The following MSI2 variants were observed in gnomAD, a reference collection of about 807,000 sequenced individuals.
MSI2 encodes musashi RNA binding protein 2.
A neutral mutation model predicts 45.6 loss-of-function variants in MSI2; 17 were observed. The ratio of observed to expected loss-of-function variants is 0.37; its 90% CI spans 0.26 to 0.56. MSI2 has a LOEUF of 0.56. MSI2 is among the 20% of genes least tolerant of loss of function. The probability of loss-of-function intolerance (pLI) is 0.77; values close to 1 mark genes in which losing one functional copy is unlikely to be tolerated. For missense variants in MSI2, 293 were observed against 444.2 expected (o/e 0.66, Z 3.06); for synonymous variants, 156 against 158.2 (o/e 0.99, Z 0.11).
intron 7 of MSI2, among the ~76,000 whole-genome samples, chr17:57,536,459 A>T (rs72833078): frequency 0.098 from 14,985 of 152,242 alleles, 912 homozygotes; most frequent in Non-Finnish European, 0.15. Flanking sequence ...GCAGCCTGCA[A>T]AAGATTGGCT....
chr17:57,388,245 C>T (rs2083719282), intron 5 of MSI2, among the ~76,000 whole-genome samples: 1 of 152,234 alleles, frequency 6.6e-6, no homozygotes, highest in African/African-American at 2.4e-5. Context: ...TGGGTTTCCC[C>T]CTTTTCCCTC....
intron 5 of MSI2, among the ~76,000 whole-genome samples, chr17:57,288,010 C>G (rs549557220): frequency 1.1e-4 from 16 of 152,150 alleles, no homozygotes; most frequent in Admixed American, 4.6e-4. Flanking sequence ...CTCCTTTATT[C>G]CTCCATCCCT....
intron 6 of MSI2, among the ~76,000 whole-genome samples, chr17:57,491,615 G>A (rs182327981): frequency 1.3e-5 from 2 of 152,326 alleles, no homozygotes; most frequent in African/African-American, 4.8e-5. Context: ...AGATGGGGGT[G>A]GACTTGGGCC....
At chr17:57,450,785 T>C (rs1041615671) in intron 6 of MSI2, among the ~76,000 whole-genome samples, 10 of 151,698 alleles carry the variant, frequency 6.6e-5, no homozygotes, top group Admixed American at 6.6e-4. Context: ...TTTTCATATG[T>C]ATAACAGAGC....
chr17:57,446,347 G>A (rs984282372), intron 6 of MSI2, among the ~76,000 whole-genome samples: 2 of 152,134 alleles, frequency 1.3e-5, no homozygotes, highest in African/African-American at 4.8e-5. Flanking sequence ...TGAGGTTAGC[G>A]AGGTGGCAGG....
chr17:57,451,903 A>G (rs1334034131), intron 6 of MSI2, among the ~76,000 whole-genome samples: 1 of 152,216 alleles, frequency 6.6e-6, no homozygotes, highest in Non-Finnish European at 1.5e-5. Context: ...CACCCTCATC[A>G]GCTGGCTAGC....
At chr17:57,548,363 G>C (rs751651410) in intron 7 of MSI2, among the ~76,000 whole-genome samples, 1 of 152,122 alleles carries the variant, frequency 6.6e-6, no homozygotes, top group Non-Finnish European at 1.5e-5. Context: ...TGTTATTGGG[G>C]TGGGAGTGGG....
intron 5 of MSI2, among the ~76,000 whole-genome samples, chr17:57,384,874 A>G (rs1032668849): frequency 5.9e-5 from 9 of 152,170 alleles, no homozygotes; most frequent in South Asian, 4.1e-4. Flanking sequence ...CTCAAAGTGA[A>G]CACATTTATC....
intron 6 of MSI2, among the ~76,000 whole-genome samples, chr17:57,419,980 G>T (rs569069184): frequency 6.6e-6 from 1 of 152,272 alleles, no homozygotes; most frequent in South Asian, 2.1e-4. Context: ...GGGTATCCTG[G>T]TTCAAATTTG....
At chr17:57,410,466 T>G (rs1160214382) in intron 6 of MSI2, among the ~76,000 whole-genome samples, 2 of 151,988 alleles carry the variant, frequency 1.3e-5, no homozygotes, top group African/African-American at 4.8e-5. Context: ...AGTCTGTCTG[T>G]CTGTGCACCC....
intron 10 of MSI2, among the ~76,000 whole-genome samples, chr17:57,645,516 A>G (rs1910589410): frequency 6.6e-6 from 1 of 150,974 alleles, no homozygotes; most frequent in Non-Finnish European, 1.5e-5. Flanking sequence ...GCTCACTGCA[A>G]CCTCCGCCTC....
At chr17:57,620,354 A>G (rs1908172359) in intron 9 of MSI2, among the ~76,000 whole-genome samples, 1 of 152,238 alleles carries the variant, frequency 6.6e-6, no homozygotes, top group East Asian at 1.9e-4. Flanking sequence ...AGTAAGATGT[A>G]TGTTCATGTA....
rs77520948 is a variant in MSI2 at position 57,317,719 on chromosome 17, G to A, written c.312+55527G>A. On this transcript the variant is annotated intron_variant, in intron 5 of 13. Transcript: ENST00000284073. The stretch of plus-strand genomic sequence containing the variant: ...ATATATAAGGCAGAGAAAGAAGTCA[G>A]GACACTGAGATAGGGACTTATTTCC... Among the ~76,000 whole-genome samples the A allele has an allele frequency of 2.2e-4, 33 of 152,184 alleles. No individual in the cohort carries two copies. In the East Asian group the frequency reaches 6.2e-3, roughly 29 times the overall value.
At chr17:57,493,394 C>G (rs887252677) in intron 6 of MSI2, among the ~76,000 whole-genome samples, 2 of 152,050 alleles carry the variant, frequency 1.3e-5, no homozygotes, top group Admixed American at 6.6e-5. Context: ...TTGCTGTCCT[C>G]ACTTGCCACC....
intron 6 of MSI2, among the ~76,000 whole-genome samples, chr17:57,414,786 C>A (rs1376275494): frequency 6.6e-6 from 1 of 152,082 alleles, no homozygotes; most frequent in Non-Finnish European, 1.5e-5. Context: ...TATTTCCCTG[C>A]ATCCTAGGAT....
chr17:57,271,744 C>CTTTTTTTTTTTTTTTTT (rs60803369), intron 5 of MSI2, among the ~76,000 whole-genome samples: 3 of 107,632 alleles, frequency 2.8e-5, no homozygotes, highest in Admixed American at 9.7e-5. Context: ...CCACTGCAAT[C>CTTTTTTTTTTTTTTTTT]TTTTTTTTTT....
chr17:57,564,396 T>C (rs1239015291), intron 7 of MSI2, among the ~76,000 whole-genome samples: 1 of 152,188 alleles, frequency 6.6e-6, no homozygotes, highest in African/African-American at 2.4e-5. Context: ...CTGAATGCAT[T>C]TGGGTCCTTC....
rs1034778127 is a variant in MSI2, at chr17:57,320,317, T to C, written c.312+58125T>C. 4.3e-4 allele frequency among the ~76,000 whole-genome samples: 65 copies of C among 152,214 alleles called. No homozygotes were observed. In the Middle Eastern group the frequency reaches 0.01, roughly 24 times the overall value. ...ACTGGCTCTATCACAGGGACAGGGA[T>C]GGTCTGCTTTTTGCCTCTCTTGGGG... On this transcript the variant is annotated intron_variant, in intron 5 of 13. Transcript: ENST00000284073.
chr17:57,676,413 T>C, intron 12 of MSI2, among the ~76,000 whole-genome samples: 1 of 152,220 alleles, frequency 6.6e-6, no homozygotes, highest in East Asian at 1.9e-4. Context: ...TCAACTGTGG[T>C]ACCAAATCCA....
Sources: allele counts gnomAD v4.1 joint callset (sites outside exome capture counted in the v4.1 genomes callset), GRCh38; gene constraint gnomAD v4.1.1; transcripts MANE v1.5; gene names NCBI Gene and HGNC (gene_info 2026-07-23, HGNC 2026-07-21).